The following CDKL1 variants were observed in gnomAD, a reference collection of about 807,000 sequenced individuals.
CDKL1 encodes cyclin dependent kinase like 1, also known as cyclin-dependent kinase-like 1.
CDKL1 carries 41 observed loss-of-function variants against 42.0 expected under a neutral mutation model. That is an observed-to-expected ratio of 0.98 (90% CI 0.76 to 1.27). The LOEUF is 1.27. CDKL1 is among the 50% of genes most tolerant of loss of function. CDKL1 has a pLI of 0.00. For synonymous variants in CDKL1, 153 were observed against 158.6 expected (o/e 0.96, Z 0.26); for missense variants, 394 against 428.4 (o/e 0.92, Z 0.71).
At chr14:50,389,481 A>G (rs2035188727) in intron 2 of CDKL1, among the ~76,000 whole-genome samples, 1 of 152,088 alleles carries the variant, frequency 6.6e-6, no homozygotes, top group South Asian at 2.1e-4. Context: ...AAAAAGTTAG[A>G]TTTTTTTGCC....
chr14:50,342,861 A>C (rs2033593628), intron 4 of CDKL1: 1 of 1,244,290 alleles, frequency 8.0e-7, no homozygotes, highest in Admixed American at 3.1e-5. Context: ...TCCAGCTCTG[A>C]CATTCATCCG....
chr14:50,392,584 G>C (rs1160749478), intron 2 of CDKL1, among the ~76,000 whole-genome samples: 1 of 151,738 alleles, frequency 6.6e-6, no homozygotes, highest in South Asian at 2.1e-4. Context: ...ACCCCCAAAG[G>C]CTGGGTACAC....
intron 2 of CDKL1, among the ~76,000 whole-genome samples, chr14:50,360,175 CTTTCCGCCCTG>C (rs1356510345): frequency 6.6e-6 from 1 of 152,148 alleles, no homozygotes; most frequent in Admixed American, 6.5e-5. Flanking sequence ...ATCGCATTAA[CTTTCCGCCCTG>C]ATTTTTAGAA....
intron 8 of CDKL1, chr14:50,332,796 T>C (rs1043838594): frequency 1.3e-6 from 1 of 754,444 alleles, no homozygotes; most frequent in Non-Finnish European, 2.1e-6. Flanking sequence ...AACTAGTGTT[T>C]TTATTTTAAA....
chr14:50,334,519 A>G, intron 8 of CDKL1, 46 bp downstream of exon 8: 1 of 1,050,894 alleles, frequency 9.5e-7, no homozygotes, highest in Non-Finnish European at 1.5e-6. Context: ...CCCAGTGATG[A>G]CAACTGCTGT....
At chr14:50,393,191 C>T (rs1158452306) in intron 2 of CDKL1, among the ~76,000 whole-genome samples, 1 of 152,198 alleles carries the variant, frequency 6.6e-6, no homozygotes, top group African/African-American at 2.4e-5. Context: ...TGCCTCCAAT[C>T]ACTTTATTTT....
chr14:50,332,040 T>A, intron 9 of CDKL1: 5 of 1,540,308 alleles, frequency 3.2e-6, no homozygotes, highest in Non-Finnish European at 4.4e-6. Context: ...CCCTGGCCCC[T>A]GTGTGGCATC....
intron 2 of CDKL1, among the ~76,000 whole-genome samples, chr14:50,385,070 C>CAAAAAA (rs55719234): frequency 2.7e-4 from 25 of 93,544 alleles, no homozygotes; most frequent in East Asian, 3.7e-4. Context: ...GACTCTGTCT[C>CAAAAAA]AAAAAAAAAA....
In CDKL1 at chr14:50,327,334, CAAA is replaced by C. The variant is rs11295551; in HGVS notation, c.*2737_*2739del. On this transcript the variant is annotated 3_prime_UTR_variant, in exon 10 of 10. Coordinates refer to ENST00000395834, the MANE Select transcript of CDKL1 (RefSeq NM_004196.7). Reference sequence around the variant, plus strand: ...TGGGCAACAGATTAAGACCCTGTCTCAAAAAAAAAAAAAAAAGTGAAAAATAGA... The same window carrying C: ...TGGGCAACAGATTAAGACCCTGTCTCAAAAAAAAAAAAAGTGAAAAATAGA... The C allele has an allele frequency of 2.2e-4, 28 of 124,972 alleles. No individual in the cohort carries two copies. Among genetic ancestry groups the C allele is most frequent in the Non-Finnish European group, 2.7e-4 (16 of 59,122 alleles). 7.7% of individuals were successfully genotyped at this position (124,972 alleles called of 1,614,324 possible). A position where few individuals can be genotyped will look rare whatever the true frequency, so the allele number is the denominator to read the frequency against.
At chr14:50,335,420 T>C in intron 7 of CDKL1, 1 of 1,447,146 alleles carries the variant, frequency 6.9e-7, no homozygotes, top group Non-Finnish European at 9.4e-7. Context: ...ATAAACACTG[T>C]TGTCTCCTCC....
chr14:50,343,655 C>G (rs1437155715), intron 4 of CDKL1, among the ~76,000 whole-genome samples: 2 of 152,158 alleles, frequency 1.3e-5, no homozygotes, highest in East Asian at 3.8e-4. Context: ...CCACCCCCAT[C>G]AGCACATGGA....
At chr14:50,376,624 A>G (rs1358422055) in intron 2 of CDKL1, among the ~76,000 whole-genome samples, 1 of 152,244 alleles carries the variant, frequency 6.6e-6, no homozygotes, top group Non-Finnish European at 1.5e-5. Context: ...TTTTATAAAA[A>G]ATATATGAAA....
intron 5 of CDKL1, among the ~76,000 whole-genome samples, chr14:50,341,470 G>C (rs113252015): frequency 0.25 from 33,634 of 133,774 alleles, 6,086 homozygotes; most frequent in African/African-American, 0.39. Flanking sequence ...GGGGGGGGGG[G>C]GGTTATTTGG....
At chr14:50,392,850 G>C (rs376100140) in intron 2 of CDKL1, among the ~76,000 whole-genome samples, 1 of 152,100 alleles carries the variant, frequency 6.6e-6, no homozygotes, top group Non-Finnish European at 1.5e-5. Flanking sequence ...CTATCACAGT[G>C]AACAATCTCC....
At chr14:50,378,450 C>A (rs775276173) in intron 2 of CDKL1, 1 of 1,365,296 alleles carries the variant, frequency 7.3e-7, no homozygotes, top group Non-Finnish European at 9.8e-7. Context: ...AGGGGAAATT[C>A]ATTAATATGA....
chr14:50,373,360 A>G (rs1157724051), intron 2 of CDKL1, among the ~76,000 whole-genome samples: 1 of 152,262 alleles, frequency 6.6e-6, no homozygotes, highest in Non-Finnish European at 1.5e-5. Context: ...AAAGGGACAT[A>G]TGAAAAGATG....
At position 50,395,827 on chromosome 14, in the gene CDKL1, G is replaced by A. The variant is rs777420449; in HGVS notation, c.42C>T (p.Ser14=). The change falls in exon 2 of 10, where the codon TCC becomes TCT. Residue 14 remains serine (S), a synonymous_variant. Transcript: ENST00000395834. The stretch of plus-strand genomic sequence containing the variant: ...TTCTACATTTGAAAACAACTCCATA[G>A]GATCCTTCTCCAATTTTCCCAATTT... The part of the protein sequence containing the change: ...YEKIGKIGEG[S]YGVVFKCRNR... 3.1e-6 allele frequency: 5 copies of A among 1,610,710 alleles called. No homozygotes were observed. In the East Asian group the frequency reaches 8.9e-5, roughly 29 times the overall value.
chr14:50,389,792 C>T (rs910690426), intron 2 of CDKL1, among the ~76,000 whole-genome samples: 6 of 152,136 alleles, frequency 3.9e-5, no homozygotes, highest in East Asian at 1.9e-4. Context: ...TGCGGGAGAA[C>T]GGGCAGTATA....
At chr14:50,375,045 G>T (rs185268674) in intron 2 of CDKL1, among the ~76,000 whole-genome samples, 438 of 152,118 alleles carry the variant, frequency 2.9e-3, no homozygotes, top group Middle Eastern at 6.8e-3. Context: ...TGTGGTACAT[G>T]TATACCTATG....
Sources: gnomAD v4.1 joint callset for allele counts (sites outside exome capture counted in the v4.1 genomes callset) on GRCh38, gnomAD v4.1.1 for gene constraint, MANE v1.5 for transcripts, NCBI Gene and HGNC (gene_info 2026-07-23, HGNC 2026-07-21) for gene names.